C4BPA: variants seen among roughly 807,000 people sequenced by gnomAD.
C4BPA encodes the protein complement component 4 binding protein alpha, also known as C4b-binding protein alpha chain.
Under a neutral mutation model 63.7 loss-of-function variants are expected in C4BPA, and 31 were observed. The ratio of observed to expected loss-of-function variants is 0.49; its 90% confidence interval spans 0.37 to 0.66. The LOEUF is 0.66. C4BPA is among the 30% of genes least tolerant of loss of function. C4BPA has a pLI of 0.00. For missense variants in C4BPA, 572 were observed against 723.3 expected, an observed-to-expected ratio of 0.79 and a Z score of 2.40; for synonymous variants, 259 against 254.7, an observed-to-expected ratio of 1.02 and a Z score of -0.16.
At chr1:207,122,838 T>C (rs1352531559) in intron 4 of C4BPA, among the ~76,000 whole-genome samples, 2 of 152,174 alleles carry the variant, frequency 1.3e-5, no homozygotes, top group African/African-American at 4.8e-5. Context: ...CGTCCCAAAG[T>C]ACTGGTATTA....
Position 207,119,850 on chromosome 1 carries a change from T to C in C4BPA, c.429-4072T>C, listed in dbSNP as rs112889744. Among the ~76,000 whole-genome samples the C allele has an allele frequency of 4.8e-4, 14 of 29,160 alleles. 2 individuals are homozygous for C. The highest frequency in any genetic ancestry group is 1.3e-3 in the Non-Finnish European group (10 of 7,908). The allele number at this position is 29,160 out of a possible 152,430, so 19.1% of individuals were successfully genotyped here. On this transcript the variant is annotated intron_variant, in intron 4 of 11. Transcript: ENST00000367070. Reference sequence around the variant, plus strand: ...TGGTTGTAGCAGATATTTATAACGATGTTTCTGTTACTTATTCCATATTCT... The same window carrying C: ...TGGTTGTAGCAGATATTTATAACGACGTTTCTGTTACTTATTCCATATTCT...
intron 1 of C4BPA, among the ~76,000 whole-genome samples, chr1:207,110,565 G>A (rs557175944): frequency 2.2e-4 from 34 of 152,160 alleles, no homozygotes; most frequent in African/African-American, 8.0e-4. Context: ...CGAGGCGGGA[G>A]AATTGCTTGA....
intron 8 of C4BPA, 116 bp downstream of exon 8, chr1:207,131,856 C>T (rs905227259): frequency 2.4e-5 from 17 of 712,456 alleles, no homozygotes; most frequent in Non-Finnish European, 3.9e-5. Context: ...TAAGTTAATT[C>T]AACAGATTAG....
chr1:207,107,926 G>A (rs1300241467), intron 1 of C4BPA, among the ~76,000 whole-genome samples: 1 of 152,176 alleles, frequency 6.6e-6, no homozygotes, highest in Non-Finnish European at 1.5e-5. Context: ...GTGAGACAGA[G>A]GAGGCAATAA....
intron 10 of C4BPA, 90 bp from the exon 11 acceptor site, chr1:207,143,728 C>A (rs1471700607): frequency 2.2e-6 from 2 of 891,796 alleles, no homozygotes; most frequent in African/African-American, 1.7e-5. Flanking sequence ...ATTAGCAGAA[C>A]TAAATACAGT....
chr1:207,120,568 C>T (rs1413789470), intron 4 of C4BPA, among the ~76,000 whole-genome samples: 4 of 152,006 alleles, frequency 2.6e-5, no homozygotes, highest in Non-Finnish European at 5.9e-5. Flanking sequence ...AGTTCAAGAC[C>T]AGCCTGAGCA....
In C4BPA at chr1:207,109,001, G is replaced by A. The variant is rs565757188; in HGVS notation, c.-25-4000G>A. Among the ~76,000 whole-genome samples the A allele has an allele frequency of 2.6e-4, 39 of 152,312 alleles. No individual in the cohort carries two copies. In the South Asian group the frequency reaches 6.0e-3, roughly 23 times the overall value. ...CTCCCAAAGTGCTGGGATTACAGGC[G>A]TGAGCTACCGCGTCTGACCTGTGGG... On this transcript the variant is annotated intron_variant, in intron 1 of 11. Coordinates refer to ENST00000367070, the MANE Select transcript of C4BPA (RefSeq NM_000715.4).
chr1:207,115,704 A>G (rs2842703), intron 4 of C4BPA, among the ~76,000 whole-genome samples, 189 bp downstream of exon 4: 4,210 of 152,274 alleles, frequency 0.028, 204 homozygotes, highest in African/African-American at 0.097. Context: ...GTTCGTATAT[A>G]TCTTTCTAGT....
rs200444986 is a variant in C4BPA, at chr1:207,116,495, AGTGT to A, written c.428+995_428+998del. On this transcript the variant is annotated intron_variant, in intron 4 of 11. Transcript: ENST00000367070. ...TGATATATACTGTAACTTTTCCCAC[AGTGT>A]GTGTGTGTGTGTGTATATGTGTGTG... Among the ~76,000 whole-genome samples, 5 of 124,504 alleles carry A rather than the reference AGTGT, an allele frequency of 4.0e-5. 1 individual carries two copies. The highest frequency in any genetic ancestry group is 9.2e-5 in the African/African-American group (3 of 32,490). 81.7% of individuals were successfully genotyped at this position (124,504 alleles called of 152,430 possible). A position where few individuals can be genotyped will look rare whatever the true frequency, so the allele number is the denominator to read the frequency against.
intron 1 of C4BPA, among the ~76,000 whole-genome samples, chr1:207,107,401 T>C (rs906632566): frequency 6.6e-6 from 1 of 152,064 alleles, no homozygotes. Context: ...ATTAAAAAAT[T>C]AGCTGGGTGT....
chr1:207,141,376 A>G, intron 10 of C4BPA, 100 bp downstream of exon 10: 1 of 856,776 alleles, frequency 1.2e-6, no homozygotes. Context: ...GCATGAAAAC[A>G]TTTGATTTGA....
intron 4 of C4BPA, among the ~76,000 whole-genome samples, chr1:207,120,441 C>G (rs1684900035): frequency 6.6e-6 from 1 of 152,140 alleles, no homozygotes; most frequent in Non-Finnish European, 1.5e-5. Context: ...GCTGCGTCCC[C>G]CAGTAGAAGC....
In C4BPA at chr1:207,131,767, G is replaced by T. The variant is rs368499538; in HGVS notation, c.1084+27G>T. ...TGAGTTTTTGTTTTTTAATATTTTT[G>T]TATATTAAATGTCCAGTATGTGCTA... is the stretch of plus-strand genomic sequence containing the variant. On this transcript the variant is annotated intron_variant, in intron 8 of 11. Coordinates refer to ENST00000367070, the MANE Select transcript of C4BPA (RefSeq NM_000715.4). 2.0e-6 allele frequency: 3 copies of T among 1,483,728 alleles called. No homozygotes were observed. The Admixed American group carries it at 5.3e-5, about 26-fold the overall frequency. 91.9% of individuals were successfully genotyped at this position (1,483,728 alleles called of 1,614,324 possible).
chr1:207,116,516 ATGTGTGTGTG>A lies in C4BPA; in HGVS notation c.428+1035_428+1044del, dbSNP rs57449727. The stretch of plus-strand genomic sequence containing the variant: ...CCACAGTGTGTGTGTGTGTGTGTAT[ATGTGTGTGTG>A]TGTGTGTGTGTGTGTGTGTGTGTGT... On this transcript the variant is annotated intron_variant, in intron 4 of 11. Transcript: ENST00000367070. 1.1e-3 allele frequency among the ~76,000 whole-genome samples: 85 copies of A among 80,012 alleles called. 1 individual carries two copies. Among genetic ancestry groups the A allele is most frequent in the Non-Finnish European group, 7.4e-4 (25 of 33,860 alleles). The allele number at this position is 80,012 out of a possible 152,430, so 52.5% of individuals were successfully genotyped here. A position where few individuals can be genotyped will look rare whatever the true frequency, so the allele number is the denominator to read the frequency against.
At chr1:207,114,000 G>C (rs769741157) in intron 2 of C4BPA, 100 bp from the exon 3 acceptor site, 23 of 1,011,518 alleles carry the variant, frequency 2.3e-5, no homozygotes, top group Non-Finnish European at 2.9e-5. Context: ...GATCATTCTT[G>C]AAAAGAACGA....
chr1:207,111,367 C>T (rs1355407815), intron 1 of C4BPA, among the ~76,000 whole-genome samples: 3 of 152,258 alleles, frequency 2.0e-5, no homozygotes, highest in East Asian at 1.9e-4. Flanking sequence ...GTAAATTGCT[C>T]GTTAGGTGAA....
chr1:207,117,841 C>T (rs1281380019), intron 4 of C4BPA, among the ~76,000 whole-genome samples: 1 of 152,114 alleles, frequency 6.6e-6, no homozygotes, highest in African/African-American at 2.4e-5. Context: ...GTCAGAGTGC[C>T]CTTCCTGCAT....
chr1:207,129,240 T>G (rs562894188), intron 7 of C4BPA, among the ~76,000 whole-genome samples: 1 of 151,810 alleles, frequency 6.6e-6, no homozygotes, highest in South Asian at 2.1e-4. Context: ...ATTATGCAAT[T>G]TGAAGCACAG....
chr1:207,120,839 C>T (rs1486497014), intron 4 of C4BPA, among the ~76,000 whole-genome samples: 3 of 152,188 alleles, frequency 2.0e-5, no homozygotes, highest in East Asian at 3.8e-4. Context: ...GACAAGTTCT[C>T]CCTCTATCAC....
Sources: gnomAD v4.1 joint callset for allele counts (sites outside exome capture counted in the v4.1 genomes callset) on GRCh38, gnomAD v4.1.1 for gene constraint, MANE v1.5 for transcripts, NCBI Gene and HGNC (gene_info 2026-07-23, HGNC 2026-07-21) for gene names.